The following LPGAT1 variants were observed in gnomAD, a reference collection of about 807,000 sequenced individuals.
The protein encoded by LPGAT1 is lysophosphatidylglycerol acyltransferase 1, also known as acyl-CoA:lysophosphatidylglycerol acyltransferase 1.
A neutral mutation model predicts 47.5 loss-of-function variants in LPGAT1; 11 were observed. The ratio of observed to expected loss-of-function variants is 0.23; its 90% confidence interval spans 0.15 to 0.38. The LOEUF is 0.38. Among genes scored for constraint, LPGAT1 ranks in the 10% least tolerant of loss-of-function variants. LPGAT1 has a pLI of 1.00. For missense variants in LPGAT1, 293 were observed against 439.0 expected, an observed-to-expected ratio of 0.67 and a Z score of 2.97; for synonymous variants, 138 against 144.2, an observed-to-expected ratio of 0.96 and a Z score of 0.31.
Position 211,778,920 on chromosome 1 carries a change from G to A in LPGAT1, c.852C>T (p.Tyr284=). 1 of 1,592,066 alleles carries A rather than the reference G, an allele frequency of 6.3e-7. No homozygotes were observed. Among genetic ancestry groups the A allele is most frequent in the Non-Finnish European group, 8.5e-7 (1 of 1,172,078 alleles). ...GAGTACTAATATAGAATTCTTACCT[G>A]TAATGTACATGTGTGACTGTTGGTT... ...YRKPTVTHVH[Y]RIFPIKDVPL... The change falls in exon 6 of 8, where the codon TAC becomes TAT. Residue 284 remains tyrosine, a splice_region_variant and synonymous_variant. Transcript: ENST00000366997.
chr1:211,764,033 G>A (rs1011899403), intron 6 of LPGAT1, among the ~76,000 whole-genome samples: 4 of 152,148 alleles, frequency 2.6e-5, no homozygotes, highest in Admixed American at 6.5e-5. Flanking sequence ...TTAGCTGAGC[G>A]TGATGGCATG....
At chr1:211,778,776 T>C in intron 6 of LPGAT1, 142 bp downstream of exon 6, 1 of 597,642 alleles carries the variant, frequency 1.7e-6, no homozygotes, top group Non-Finnish European at 2.7e-6. Context: ...TCAAATGATA[T>C]TTTAATATTA....
intron 6 of LPGAT1, among the ~76,000 whole-genome samples, chr1:211,752,771 A>G (rs1283808247): frequency 2.0e-5 from 3 of 152,246 alleles, no homozygotes; most frequent in Non-Finnish European, 4.4e-5. Context: ...CCAAACTTCT[A>G]CACTTTGGAA....
chr1:211,800,460 T>C lies in LPGAT1; in HGVS notation c.239-7270A>G, dbSNP rs1295415604. 2.0e-5 allele frequency among the ~76,000 whole-genome samples: 3 copies of C among 152,190 alleles called. No individual in the cohort carries two copies. In the East Asian group the frequency reaches 5.8e-4, roughly 29 times the overall value. On this transcript the variant is annotated intron_variant, in intron 2 of 7. Transcript: ENST00000366997. ...TTTAGAATTCCAATTTCAAATATCA[T>C]TAAAATCAGAAACACCACTGTCAAG...
At position 211,750,967 on chromosome 1, in the gene LPGAT1, C is replaced by G; in HGVS notation, c.955G>C (p.Glu319Gln). The change falls in exon 7 of 8, where the codon GAA becomes CAA. Residue 319 changes from glutamate to glutamine, a missense_variant. Coordinates refer to ENST00000366997, the MANE Select transcript of LPGAT1 (RefSeq NM_014873.3). The stretch of plus-strand genomic sequence containing the variant: ...TTTAAAGGTTACTGTGTACCTGTTT[C>G]ATAAAAATGTGATAAGAGGTCTTCT... Reference protein sequence around the residue: ...EKEDLLSHFYETGAFPPSKGH... With the variant: ...EKEDLLSHFYQTGAFPPSKGH... 1 of 1,608,128 alleles carries G rather than the reference C, an allele frequency of 6.2e-7. No homozygotes were observed. Among genetic ancestry groups the G allele is most frequent in the Non-Finnish European group, 8.5e-7 (1 of 1,174,904 alleles).
chr1:211,819,374 C>T (rs1047239597), intron 2 of LPGAT1, among the ~76,000 whole-genome samples: 64 of 152,128 alleles, frequency 4.2e-4, no homozygotes, highest in African/African-American at 1.5e-3. Context: ...ACATGCCTGT[C>T]GTCTTAGCTA....
At chr1:211,815,470 C>T (rs1321011064) in intron 2 of LPGAT1, among the ~76,000 whole-genome samples, 1 of 152,178 alleles carries the variant, frequency 6.6e-6, no homozygotes, top group South Asian at 2.1e-4. Flanking sequence ...CCATCACCCT[C>T]ACCTGATAAG....
intron 6 of LPGAT1, among the ~76,000 whole-genome samples, chr1:211,760,737 T>C (rs1174162584): frequency 6.6e-6 from 1 of 152,198 alleles, no homozygotes; most frequent in Non-Finnish European, 1.5e-5. Context: ...CCGAGCAGAA[T>C]AAAGCTCCGC....
intron 2 of LPGAT1, among the ~76,000 whole-genome samples, chr1:211,824,641 T>C (rs927483084): frequency 6.6e-6 from 1 of 152,310 alleles, no homozygotes; most frequent in South Asian, 2.1e-4. Context: ...ACTGCACTTA[T>C]AGTAAAAAAT....
At chr1:211,761,367 T>C (rs915440813) in intron 6 of LPGAT1, among the ~76,000 whole-genome samples, 1 of 152,152 alleles carries the variant, frequency 6.6e-6, no homozygotes, top group African/African-American at 2.4e-5. Flanking sequence ...GGTGTAGCAA[T>C]GGGCTCATAA....
Position 211,825,188 on chromosome 1 carries a change from CTTTTT to C in LPGAT1, c.238+3866_238+3870del, listed in dbSNP as rs953536979. ...TTTAAAGTATTTCATGCACAGTCTT[CTTTTT>C]TTTTTTTTTTTTTTTTTTTTTGAGA... On this transcript the variant is annotated intron_variant, in intron 2 of 7. Transcript: ENST00000366997. Among the ~76,000 whole-genome samples the C allele has an allele frequency of 0.015, 1,094 of 70,864 alleles. 18 individuals carry two copies. The East Asian group carries it at 0.16, about 10-fold the overall frequency. 46.5% of individuals were successfully genotyped at this position (70,864 alleles called of 152,430 possible).
At chr1:211,779,157 G>C (rs896071850) in intron 5 of LPGAT1, 113 bp from the exon 6 acceptor site, 12 of 755,836 alleles carry the variant, frequency 1.6e-5, no homozygotes, top group African/African-American at 5.5e-5. Flanking sequence ...TTTGCATTAA[G>C]AAAAATTCTA....
At position 211,745,534 on chromosome 1, in the gene LPGAT1, C is replaced by T. The variant is rs561122808; in HGVS notation, c.*4365G>A. ...TTGCAACTAGAATACACTTAAAAAA[C>T]GTTTGCTCTTTAAACTGTCTTAAAA... is the stretch of plus-strand genomic sequence containing the variant. On this transcript the variant is annotated 3_prime_UTR_variant, in exon 8 of 8. Coordinates refer to ENST00000366997, the MANE Select transcript of LPGAT1 (RefSeq NM_014873.3). The T allele has an allele frequency of 3.9e-5, 6 of 152,156 alleles. No homozygotes were observed. The highest frequency in any genetic ancestry group is 7.4e-5 in the Non-Finnish European group (5 of 68,010). The allele number at this position is 152,156 out of a possible 1,614,324, so 9.4% of individuals were successfully genotyped here.
At chr1:211,777,105 T>C (rs912800271) in intron 6 of LPGAT1, among the ~76,000 whole-genome samples, 8 of 152,198 alleles carry the variant, frequency 5.3e-5, no homozygotes, top group African/African-American at 1.9e-4. Flanking sequence ...ATTAAAACCA[T>C]TCTTTCTTTC....
rs540619550 is a variant in LPGAT1, at chr1:211,829,305, T to C, written c.-9A>G. The C allele has an allele frequency of 1.9e-6, 3 of 1,614,158 alleles. No homozygotes were observed. In the African/African-American group the frequency reaches 4.0e-5, roughly 22 times the overall value. On this transcript the variant is annotated 5_prime_UTR_variant, in exon 2 of 8. Coordinates refer to ENST00000366997, the MANE Select transcript of LPGAT1 (RefSeq NM_014873.3). ...TCCAAAGTTATAGCCATTCTCACAC[T>C]GGACTCCGTCCTGTCTTTCTGGGGT...
intron 6 of LPGAT1, among the ~76,000 whole-genome samples, chr1:211,777,700 G>C (rs1379850616): frequency 6.6e-6 from 1 of 152,168 alleles, no homozygotes. Context: ...ATCTTATGTG[G>C]ATTAATGATT....
chr1:211,789,863 C>T (rs1440984320), intron 3 of LPGAT1, among the ~76,000 whole-genome samples: 2 of 63,022 alleles, frequency 3.2e-5, no homozygotes, highest in Non-Finnish European at 5.9e-5. Context: ...AAGCAAGACT[C>T]TGTCTCAAAA....
chr1:211,779,853 A>AAAAT (rs56183480), intron 5 of LPGAT1, among the ~76,000 whole-genome samples: 149 of 145,226 alleles, frequency 1.0e-3, no homozygotes, highest in Non-Finnish European at 1.4e-3. Context: ...ACTCCGTCTC[A>AAAAT]AAATAAATAA....
In LPGAT1 at chr1:211,779,030, CT is replaced by C; in HGVS notation, c.741del (p.Gly248AlafsTer5). On this transcript the variant is annotated frameshift_variant, in exon 6 of 8. Transcript: ENST00000366997. LOFTEE classifies it high-confidence loss of function. ...GDAKELDSKS[K>X]GLQWIIDTTI... ...GTTGTATCTATTATCCACTGGAGGC[CT>C]TTTGATTTGCTGTCTGAGAACAAAG... The C allele has an allele frequency of 1.9e-6, 3 of 1,579,362 alleles. No individual in the cohort carries two copies. The highest frequency in any genetic ancestry group is 2.3e-5 in the East Asian group (1 of 44,176).
Sources: allele counts gnomAD v4.1 joint callset (sites outside exome capture counted in the v4.1 genomes callset), GRCh38; gene constraint gnomAD v4.1.1; transcripts MANE v1.5; gene names NCBI Gene and HGNC (gene_info 2026-07-23, HGNC 2026-07-21).